The following VPS13C variants were observed in gnomAD, a reference collection of about 807,000 sequenced individuals.
VPS13C encodes the protein vacuolar protein sorting 13 homolog C, also known as intermembrane lipid transfer protein VPS13C.
A neutral mutation model predicts 456.8 loss-of-function variants in VPS13C; 358 were observed. That is an observed-to-expected ratio of 0.78 (90% confidence interval 0.72 to 0.86). The LOEUF (loss-of-function observed/expected upper bound fraction) is 0.86, where lower values mean the gene tolerates loss of function less well. Among genes scored for constraint, VPS13C ranks in the 40% least tolerant of loss-of-function variants. The pLI is 0.00. For missense variants in VPS13C, 4,818 were observed against 4,385.4 expected, an observed-to-expected ratio of 1.10 and a Z score of -2.79; for synonymous variants, 1,578 against 1,486.7, an observed-to-expected ratio of 1.06 and a Z score of -1.41.
In VPS13C at chr15:61,884,284, CA is replaced by C. The variant is rs747302650; in HGVS notation, c.9342-16del. 18 of 1,604,522 alleles carry C rather than the reference CA, an allele frequency of 1.1e-5. 1 individual carries two copies. In the South Asian group the frequency reaches 1.3e-4, roughly 12 times the overall value. Reference sequence around the variant, plus strand: ...CAACACCAGAACTAAATAATTCACACAAAAAAATTAAATTAGCAATATGTAT... The same window carrying C: ...CAACACCAGAACTAAATAATTCACACAAAAAATTAAATTAGCAATATGTAT... On this transcript the variant is annotated splice_polypyrimidine_tract_variant and intron_variant, in intron 67 of 84. Coordinates refer to ENST00000644861, the MANE Select transcript of VPS13C (RefSeq NM_020821.3).
chr15:61,979,019 C>T (rs2045794044), intron 22 of VPS13C, among the ~76,000 whole-genome samples: 1 of 152,164 alleles, frequency 6.6e-6, no homozygotes, highest in South Asian at 2.1e-4. Flanking sequence ...TCTAGATGTA[C>T]AACTCCTCCT....
intron 3 of VPS13C, 107 bp from the exon 4 acceptor site, chr15:62,035,159 G>C: frequency 1.8e-6 from 1 of 565,516 alleles, no homozygotes; most frequent in East Asian, 3.1e-5. Context: ...TTCATGGTAT[G>C]TACATCACTC....
intron 12 of VPS13C, among the ~76,000 whole-genome samples, chr15:62,011,174 G>T (rs1197680088): frequency 6.6e-6 from 1 of 152,006 alleles, no homozygotes; most frequent in African/African-American, 2.4e-5. Flanking sequence ...AAGATGATAG[G>T]GGAATGCAAG....
At chr15:61,855,035 TG>T (rs2140828941) in intron 83 of VPS13C, 81 bp from the exon 84 acceptor site, 2 of 1,113,958 alleles carry the variant, frequency 1.8e-6, no homozygotes, top group African/African-American at 3.2e-5. Flanking sequence ...TATACTTAAA[TG>T]TCAACTCTAT....
chr15:62,037,239 TATATATAATATATTTATATATATTATA>T lies in VPS13C; in HGVS notation c.188-2214_188-2188del, dbSNP rs1282281572. Among the ~76,000 whole-genome samples, 7 of 52,646 alleles carry T rather than the reference TATATATAATATATTTATATATATTATA, an allele frequency of 1.3e-4. 1 individual carries two copies. The highest frequency in any genetic ancestry group is 1.7e-4 in the Non-Finnish European group (5 of 30,022). 34.5% of individuals were successfully genotyped at this position (52,646 alleles called of 152,430 possible). A position where few individuals can be genotyped will look rare whatever the true frequency, so the allele number is the denominator to read the frequency against. ...TATTATATAATATATTATATATAAA[TATATATAATATATTTATATATATTATA>T]TTATATAATATATTATATATATTAT... On this transcript the variant is annotated intron_variant, in intron 3 of 84. Transcript: ENST00000644861.
rs145622387 is a variant in VPS13C at position 61,936,549 on chromosome 15, C to T, written c.5755+48G>A. ...AGAAAAATACTAAATATAAATATGA[C>T]ATTAACACCAATTTTTTCTCCATAA... On this transcript the variant is annotated intron_variant, in intron 48 of 84. Coordinates refer to ENST00000644861, the MANE Select transcript of VPS13C (RefSeq NM_020821.3). The T allele has an allele frequency of 7.0e-5, 103 of 1,479,100 alleles. No individual in the cohort carries two copies. In the East Asian group the frequency reaches 2.3e-3, roughly 33 times the overall value. The allele number at this position is 1,479,100 out of a possible 1,614,324, so 91.6% of individuals were successfully genotyped here. A position where few individuals can be genotyped will look rare whatever the true frequency, so the allele number is the denominator to read the frequency against.
Position 61,963,827 on chromosome 15 carries a change from A to G in VPS13C, c.3331+8T>C. 6.3e-7 allele frequency: 1 copy of G among 1,593,866 alleles called. No homozygotes were observed. The highest frequency in any genetic ancestry group is 1.7e-4 in the Middle Eastern group (1 of 5,982). On this transcript the variant is annotated splice_region_variant and intron_variant, in intron 32 of 84. Transcript: ENST00000644861. Reference sequence around the variant, plus strand: ...TTCGCCAATTTTCAATGCCGTGTGAACTTTTACCTTGAATCTTGATTTCGG... The same window carrying G: ...TTCGCCAATTTTCAATGCCGTGTGAGCTTTTACCTTGAATCTTGATTTCGG...
chr15:61,863,585 A>G, intron 81 of VPS13C, 57 bp from the exon 82 acceptor site: 2 of 1,113,338 alleles, frequency 1.8e-6, no homozygotes, highest in East Asian at 4.8e-5. Flanking sequence ...TAGTATTTAC[A>G]ATACTGCATA....
chr15:62,011,094 A>G (rs2047023902), intron 12 of VPS13C, among the ~76,000 whole-genome samples: 3 of 152,210 alleles, frequency 2.0e-5, no homozygotes, highest in Admixed American at 6.5e-5. Flanking sequence ...ATCATTACGT[A>G]TATAACCTTA....
At position 61,875,823 on chromosome 15, in the gene VPS13C, A is replaced by G; in HGVS notation, c.10247T>C (p.Leu3416Pro). 3 of 1,600,152 alleles carry G rather than the reference A, an allele frequency of 1.9e-6. No individual in the cohort carries two copies. Among genetic ancestry groups the G allele is most frequent in the Non-Finnish European group, 2.6e-6 (3 of 1,175,660 alleles). ...TCCAAGTACATCTAACCCCAATACA[A>G]GGACATACATCTGTTTCAAGAACTA... is the stretch of plus-strand genomic sequence containing the variant. ...SEQFLKQMYV[L>P]VLGLDVLGNP... The change falls in exon 76 of 85, where the codon CTT becomes CCT. Residue 3416 changes from leucine (L) to proline (P), a missense_variant. By Grantham distance (98) the Leu-to-Pro change is moderately conservative. Transcript: ENST00000644861.
At chr15:62,035,874 A>G (rs916016088) in intron 3 of VPS13C, among the ~76,000 whole-genome samples, 20 of 152,094 alleles carry the variant, frequency 1.3e-4, no homozygotes, top group Admixed American at 3.3e-4. Context: ...TACTGTCCCA[A>G]TTTTGGGGTT....
intron 20 of VPS13C, among the ~76,000 whole-genome samples, chr15:61,983,328 T>C (rs1346829393): frequency 2.0e-5 from 3 of 152,162 alleles, no homozygotes; most frequent in Admixed American, 1.3e-4. Context: ...ATGGATAAGA[T>C]AGCATGAATA....
At chr15:61,932,901 T>C (rs1027939370) in intron 49 of VPS13C, among the ~76,000 whole-genome samples, 8 of 152,222 alleles carry the variant, frequency 5.3e-5, no homozygotes, top group African/African-American at 1.9e-4. Context: ...ACTGAATTTC[T>C]TTCCATAATA....
At chr15:61,880,435 G>A (rs1446306637) in intron 73 of VPS13C, among the ~76,000 whole-genome samples, 174 bp downstream of exon 73, 2 of 152,050 alleles carry the variant, frequency 1.3e-5, no homozygotes, top group Non-Finnish European at 2.9e-5. Flanking sequence ...GTTTCTCTGT[G>A]GGAATTGTGG....
At chr15:61,945,016 C>T (rs2044557371) in intron 45 of VPS13C, among the ~76,000 whole-genome samples, 1 of 152,056 alleles carries the variant, frequency 6.6e-6, no homozygotes, top group African/African-American at 2.4e-5. Context: ...ATCACAGGGG[C>T]AGTTTCCCCC....
intron 66 of VPS13C, among the ~76,000 whole-genome samples, chr15:61,893,226 G>A (rs2042703545): frequency 6.6e-6 from 1 of 152,116 alleles, no homozygotes; most frequent in African/African-American, 2.4e-5. Flanking sequence ...GACCCTAAAA[G>A]TGGCAAAAGA....
At chr15:61,904,358 T>G (rs1221601029) in intron 66 of VPS13C, among the ~76,000 whole-genome samples, 1 of 150,514 alleles carries the variant, frequency 6.6e-6, no homozygotes, top group African/African-American at 2.4e-5. Flanking sequence ...GAGGCATATC[T>G]CAAAAGAAGA....
Position 61,910,283 on chromosome 15 carries a change from C to T in VPS13C, c.8738G>A (p.Ser2913Asn), listed in dbSNP as rs10851704. The T allele has an allele frequency of 0.54, 823,220 of 1,515,984 alleles. 226,726 individuals are homozygous for T. Among genetic ancestry groups the T allele is most frequent in the Admixed American group, 0.68 (35,961 of 52,964 alleles). The allele number at this position is 1,515,984 out of a possible 1,614,324, so 93.9% of individuals were successfully genotyped here. The change falls in exon 64 of 85, where the codon AGT becomes AAT. Residue 2913 changes from serine to asparagine, a missense_variant. Ser to Asn is a conservative substitution (Grantham distance 46). Coordinates refer to ENST00000644861, the MANE Select transcript of VPS13C (RefSeq NM_020821.3). The stretch of plus-strand genomic sequence containing the variant: ...TCTCACACAAAGTTTGCCTGACAAA[C>T]TTTCTGGCCAAAATGGAAGGCACTA... The part of the protein sequence containing the change: ...SSECLPFWPE[S>N]LSGKLCVRVV...
chr15:62,058,866 A>G (rs11637599), intron 1 of VPS13C, among the ~76,000 whole-genome samples: 8,871 of 152,062 alleles, frequency 0.058, 325 homozygotes, highest in Non-Finnish European at 0.08. Flanking sequence ...GCAATGAGCT[A>G]CGATCTTGCC....
Sources: allele counts gnomAD v4.1 joint callset (sites outside exome capture counted in the v4.1 genomes callset), GRCh38; gene constraint gnomAD v4.1.1; transcripts MANE v1.5; gene names NCBI Gene and HGNC (gene_info 2026-07-23, HGNC 2026-07-21).